KAZN: variants seen among roughly 807,000 people sequenced by gnomAD.
KAZN encodes the protein kazrin, periplakin interacting protein, also known as kazrin.
KAZN carries 40 observed loss-of-function variants against 87.4 expected under a neutral mutation model. The observed-to-expected ratio is 0.46, with a 90% CI of 0.36 to 0.60. The LOEUF (loss-of-function observed/expected upper bound fraction) is 0.60, where lower values mean the gene tolerates loss of function less well. KAZN is among the 20% of genes least tolerant of loss of function. The probability of loss-of-function intolerance (pLI) is 0.00; values close to 1 mark genes in which losing one functional copy is unlikely to be tolerated. For synonymous variants in KAZN, 466 were observed against 458.3 expected (o/e 1.02, Z -0.22); for missense variants, 898 against 1,073.9 (o/e 0.84, Z 2.29).
chr1:14,791,094 G>A (rs545842875), intron 1 of KAZN, among the ~76,000 whole-genome samples: 4 of 152,244 alleles, frequency 2.6e-5, no homozygotes, highest in African/African-American at 9.6e-5. Flanking sequence ...TGCTTACATT[G>A]TGCTTAACAG....
intron 1 of KAZN, among the ~76,000 whole-genome samples, chr1:14,088,218 G>A (rs903193745): frequency 6.6e-5 from 10 of 151,536 alleles, no homozygotes; most frequent in Admixed American, 1.3e-4. Context: ...TTCTTAAAGC[G>A]TAAGCTAAGA....
chr1:14,580,491 TAAATAAA>T (rs1459756120), intron 2 of KAZN, among the ~76,000 whole-genome samples: 3 of 147,200 alleles, frequency 2.0e-5, no homozygotes, highest in Non-Finnish European at 3.0e-5. Context: ...AATAAATAAA[TAAATAAA>T]TAAATAAATA....
At chr1:14,339,515 T>G (rs1657524150) in intron 2 of KAZN, among the ~76,000 whole-genome samples, 1 of 152,152 alleles carries the variant, frequency 6.6e-6, no homozygotes, top group Non-Finnish European at 1.5e-5. Flanking sequence ...TCCCAAGATC[T>G]GCAGTCAGCA....
intron 2 of KAZN, among the ~76,000 whole-genome samples, chr1:14,232,414 C>T (rs1647949310): frequency 6.6e-6 from 1 of 152,140 alleles, no homozygotes; most frequent in Non-Finnish European, 1.5e-5. Context: ...AAGTTCCAGC[C>T]CCTATTGCCT....
chr1:14,641,037 C>T (rs1199906804), intron 1 of KAZN, among the ~76,000 whole-genome samples: 1 of 152,170 alleles, frequency 6.6e-6, no homozygotes, highest in African/African-American at 2.4e-5. Context: ...AGATGAACCA[C>T]AGGGCATCAT....
rs1644962952 is a variant in KAZN, at chr1:14,769,320, G to A, written c.226+170097G>A. On this transcript the variant is annotated intron_variant, in intron 1 of 14. Transcript: ENST00000376030. The surrounding 1 kb of genome is among the most constrained non-coding windows in gnomAD (Gnocchi z 4.1). ...TTTTGGAAAGTCCCCTGAGTGTAGG[G>A]AACTATACCTTGGTCAGATTTTTCA... is the stretch of plus-strand genomic sequence containing the variant. Among the ~76,000 whole-genome samples, 1 of 152,134 alleles carries A rather than the reference G, an allele frequency of 6.6e-6. No individual in the cohort carries two copies. The highest frequency in any genetic ancestry group is 1.5e-5 in the Non-Finnish European group (1 of 68,040).
chr1:14,886,826 A>C (rs1382255343), intron 1 of KAZN, among the ~76,000 whole-genome samples: 1 of 152,166 alleles, frequency 6.6e-6, no homozygotes. Flanking sequence ...ATGTCTTTAC[A>C]TGTATACCTG....
chr1:13,981,905 G>A (rs576931879), intron 1 of KAZN, among the ~76,000 whole-genome samples: 1 of 152,152 alleles, frequency 6.6e-6, no homozygotes. Context: ...TTAAACATTA[G>A]AGGGTGGGAC....
At chr1:14,071,737 G>A (rs1014125205) in intron 1 of KAZN, among the ~76,000 whole-genome samples, 1 of 152,230 alleles carries the variant, frequency 6.6e-6, no homozygotes, top group Non-Finnish European at 1.5e-5. Context: ...GTGGTGCTTA[G>A]CACATGTCAG....
chr1:15,080,937 C>T (rs933893417), intron 8 of KAZN, among the ~76,000 whole-genome samples: 3 of 152,220 alleles, frequency 2.0e-5, no homozygotes, highest in East Asian at 1.9e-4. Context: ...CTACGATGCA[C>T]GGGACAGCCC....
chr1:14,037,492 G>A (rs533370252), intron 1 of KAZN, among the ~76,000 whole-genome samples: 1 of 152,286 alleles, frequency 6.6e-6, no homozygotes, highest in African/African-American at 2.4e-5. Context: ...TCCCTTGTTG[G>A]TCAGTGGAGG....
At chr1:14,635,863 G>C (rs1232031790) in intron 1 of KAZN, among the ~76,000 whole-genome samples, 2 of 152,170 alleles carry the variant, frequency 1.3e-5, no homozygotes, top group East Asian at 3.9e-4. Context: ...TGCCAGTGGT[G>C]CCAAGGTTCA....
At chr1:14,699,740 A>T (rs4661298) in intron 1 of KAZN, among the ~76,000 whole-genome samples, 17 of 152,110 alleles carry the variant, frequency 1.1e-4, no homozygotes, top group Non-Finnish European at 2.1e-4. Flanking sequence ...AATGTTTGAC[A>T]GCCATCTCTT....
At chr1:14,718,899 A>T (rs1557913384) in intron 1 of KAZN, among the ~76,000 whole-genome samples, 1 of 152,142 alleles carries the variant, frequency 6.6e-6, no homozygotes, top group Non-Finnish European at 1.5e-5. Context: ...GCCTGTTAGG[A>T]TGGGTTGGTT....
At chr1:14,709,942 A>G (rs1405981120) in intron 1 of KAZN, among the ~76,000 whole-genome samples, 3 of 152,146 alleles carry the variant, frequency 2.0e-5, no homozygotes, top group Non-Finnish European at 4.4e-5. Flanking sequence ...TAAGAGGTGG[A>G]ATGAGAGCAT....
chr1:14,424,315 G>A (rs962350006), intron 2 of KAZN, among the ~76,000 whole-genome samples: 2 of 152,186 alleles, frequency 1.3e-5, no homozygotes, highest in African/African-American at 4.8e-5. Flanking sequence ...CCATGGCTGA[G>A]CTCAGATGAG....
intron 2 of KAZN, among the ~76,000 whole-genome samples, chr1:14,986,325 T>A (rs940355974): frequency 1.3e-5 from 2 of 152,158 alleles, no homozygotes; most frequent in African/African-American, 4.8e-5. Flanking sequence ...GCTCTGGCAG[T>A]TTAACAGCCT....
chr1:14,999,242 G>T (rs1185148878), intron 2 of KAZN, among the ~76,000 whole-genome samples: 7 of 152,194 alleles, frequency 4.6e-5, no homozygotes, highest in African/African-American at 1.7e-4. Flanking sequence ...AAGGACACTG[G>T]TCTTGGAGTC....
intron 1 of KAZN, among the ~76,000 whole-genome samples, chr1:14,782,965 A>T (rs1645400904): frequency 6.6e-6 from 1 of 152,140 alleles, no homozygotes; most frequent in African/African-American, 2.4e-5. Flanking sequence ...ACCCCAGCAG[A>T]TAGAGGCAAT....
Sources: gnomAD v4.1 joint callset for allele counts (sites outside exome capture counted in the v4.1 genomes callset) on GRCh38, gnomAD v4.1.1 for gene constraint, Gnocchi (gnomAD v3.1) non-coding constraint, MANE v1.5 for transcripts, NCBI Gene and HGNC (gene_info 2026-07-23, HGNC 2026-07-21) for gene names.